The following PSEN2 variants were observed in gnomAD, a reference collection of about 807,000 sequenced individuals.
The protein encoded by PSEN2 is presenilin-2.
PSEN2 carries 32 observed loss-of-function variants against 49.1 expected under a neutral mutation model. That is an observed-to-expected ratio of 0.65 (90% confidence interval 0.49 to 0.88). PSEN2 has a LOEUF of 0.88. Among genes scored for constraint, PSEN2 ranks in the 40% least tolerant of loss-of-function variants. PSEN2 has a pLI of 0.00. For missense variants in PSEN2, 522 were observed against 586.9 expected (o/e 0.89, Z 1.14); for synonymous variants, 255 against 244.0 (o/e 1.05, Z -0.42).
intron 4 of PSEN2, among the ~76,000 whole-genome samples, chr1:226,883,407 T>A (rs1661122269): frequency 6.6e-6 from 1 of 152,204 alleles, no homozygotes; most frequent in Non-Finnish European, 1.5e-5. Context: ...GTCCCTGTAT[T>A]AGGAAGGGGA....
intron 4 of PSEN2, among the ~76,000 whole-genome samples, chr1:226,883,493 T>C (rs571042110): frequency 6.6e-6 from 1 of 152,330 alleles, no homozygotes; most frequent in Admixed American, 6.5e-5. Context: ...ATAGCAACCT[T>C]CCTTCCTTCA....
chr1:226,888,144 C>T lies in PSEN2; in HGVS notation c.552C>T (p.Thr184=), dbSNP rs1243677453. 6.2e-7 allele frequency: 1 copy of T among 1,613,102 alleles called. No homozygotes were observed. Among genetic ancestry groups the T allele is most frequent in the Non-Finnish European group, 8.5e-7 (1 of 1,179,056 alleles). The change falls in exon 7 of 13, where the codon ACC becomes ACT. Residue 184 remains threonine (T), a synonymous_variant. Coordinates refer to ENST00000366783, the MANE Select transcript of PSEN2 (RefSeq NM_000447.3). ...CACTGATGCTGCTGTTCCTCTTCAC[C>T]TATATCTACCTTGGGTAAGTGACAG... is the stretch of plus-strand genomic sequence containing the variant. ...MSSLMLLFLF[T]YIYLGEVLKT...
At chr1:226,880,404 T>C in intron 3 of PSEN2, 1 of 861,568 alleles carries the variant, frequency 1.2e-6, no homozygotes, top group South Asian at 2.0e-5. Flanking sequence ...AAATCACATA[T>C]ATTGTGGGGT....
At chr1:226,888,364 A>G (rs1473590185) in intron 7 of PSEN2, among the ~76,000 whole-genome samples, 1 of 152,090 alleles carries the variant, frequency 6.6e-6, no homozygotes, top group Admixed American at 6.5e-5. Context: ...GGTGGACCAC[A>G]TGTTTCTGTC....
At position 226,896,025 on chromosome 1, in the gene PSEN2, T is replaced by G. The variant is rs1662129585; in HGVS notation, c.*446T>G. On this transcript the variant is annotated 3_prime_UTR_variant, in exon 13 of 13. Coordinates refer to ENST00000366783, the MANE Select transcript of PSEN2 (RefSeq NM_000447.3). ...TATTGCCTTTAGAAACTGAGTCCTGTTCTTGTTACGGCAGTCACACTGCTG... is the reference window on the plus strand; with the variant it reads ...TATTGCCTTTAGAAACTGAGTCCTGGTCTTGTTACGGCAGTCACACTGCTG... 4.2e-6 allele frequency: 1 copy of G among 239,448 alleles called. No individual in the cohort carries two copies. The highest frequency in any genetic ancestry group is 2.2e-5 in the African/African-American group (1 of 44,674). 14.8% of individuals were successfully genotyped at this position (239,448 alleles called of 1,614,324 possible).
At chr1:226,902,985 G>A (rs1425514245) in intron 12 of PSEN2, among the ~76,000 whole-genome samples, 1 of 151,504 alleles carries the variant, frequency 6.6e-6, no homozygotes, top group African/African-American at 2.5e-5. Context: ...TAAAATATTT[G>A]GGGAATCAGG....
At chr1:226,888,726 A>C (rs1373840266) in intron 7 of PSEN2, 103 bp from the exon 8 acceptor site, 5 of 1,000,818 alleles carry the variant, frequency 5.0e-6, no homozygotes, top group Non-Finnish European at 6.4e-6. Context: ...TCGGGGAAGG[A>C]AATGTTAGTA....
intron 2 of PSEN2, among the ~76,000 whole-genome samples, chr1:226,874,005 C>T (rs1202202143): frequency 6.6e-6 from 1 of 152,166 alleles, no homozygotes; most frequent in Non-Finnish European, 1.5e-5. Context: ...TATGTGGGCA[C>T]TCCCCACCAT....
intron 2 of PSEN2, among the ~76,000 whole-genome samples, chr1:226,875,141 A>T (rs891227730): frequency 1.3e-5 from 2 of 152,104 alleles, no homozygotes; most frequent in African/African-American, 4.8e-5. Flanking sequence ...GGAGGGTGGT[A>T]GGGCAGTACC....
At chr1:226,898,313 T>G (rs1452808262), downstream of PSEN2, 2 of 152,214 alleles carry the variant, frequency 1.3e-5, no homozygotes, top group African/African-American at 4.8e-5. Context: ...TTATATGCTA[T>G]TGATCGACCT....
chr1:226,891,682 C>T (rs535203364), intron 10 of PSEN2, 61 bp from the exon 11 acceptor site: 2 of 1,421,302 alleles, frequency 1.4e-6, no homozygotes, highest in Non-Finnish European at 2.0e-6. Context: ...GCTGTTGTTT[C>T]TCTCTCTTGT....
chr1:226,876,693 T>A (rs1481253778), intron 3 of PSEN2, among the ~76,000 whole-genome samples: 2 of 152,248 alleles, frequency 1.3e-5, no homozygotes, highest in Non-Finnish European at 2.9e-5. Context: ...AGTTTTATGT[T>A]CGGTTAAATT....
chr1:226,874,428 C>A (rs2793461), intron 2 of PSEN2, among the ~76,000 whole-genome samples: 78,173 of 151,990 alleles, frequency 0.51, 20,503 homozygotes, highest in African/African-American at 0.61. Context: ...ATGGCCTTTA[C>A]GGTCCTTGCC....
intron 3 of PSEN2, among the ~76,000 whole-genome samples, chr1:226,877,455 ACCAGCCC>A (rs925704081): frequency 6.6e-6 from 1 of 152,138 alleles, no homozygotes; most frequent in African/African-American, 2.4e-5. Context: ...GTCCATCTCC[ACCAGCCC>A]CCAGTGGCCT....
intron 6 of PSEN2, 24 bp downstream of exon 6, chr1:226,885,703 A>C (rs200824392): frequency 6.2e-7 from 1 of 1,603,868 alleles, no homozygotes; most frequent in East Asian, 2.2e-5. Flanking sequence ...CCTGCCCTCC[A>C]GCCACGCTTC....
intron 3 of PSEN2, among the ~76,000 whole-genome samples, chr1:226,879,563 G>A (rs763910433): frequency 1.5e-4 from 23 of 152,120 alleles, no homozygotes; most frequent in Non-Finnish European, 2.9e-5. Flanking sequence ...CCAATTGCTC[G>A]ATATTATCAG....
chr1:226,871,644 T>C, intron 2 of PSEN2, among the ~76,000 whole-genome samples: 1 of 152,244 alleles, frequency 6.6e-6, no homozygotes, highest in Non-Finnish European at 1.5e-5. Flanking sequence ...TTGCCAAGGC[T>C]GTCTACGAAG....
chr1:226,892,608 C>T (rs995750505), intron 11 of PSEN2, among the ~76,000 whole-genome samples: 3 of 152,020 alleles, frequency 2.0e-5, no homozygotes, highest in Admixed American at 1.3e-4. Context: ...TCCAGTGACA[C>T]GGGAGGGGCA....
downstream of PSEN2, among the ~76,000 whole-genome samples, chr1:226,899,733 T>C (rs1166490341): frequency 6.6e-6 from 1 of 152,180 alleles, no homozygotes; most frequent in Admixed American, 6.5e-5. Context: ...TAGTGCATGG[T>C]ATCAGGGGTC....
Sources: gnomAD v4.1 joint callset for allele counts (sites outside exome capture counted in the v4.1 genomes callset) on GRCh38, gnomAD v4.1.1 for gene constraint, MANE v1.5 for transcripts, NCBI Gene and HGNC (gene_info 2026-07-23, HGNC 2026-07-21) for gene names.